The following KIF27 variants were observed in gnomAD, a reference collection of about 807,000 sequenced individuals.
The protein encoded by KIF27 is kinesin-like protein KIF27.
Under a neutral mutation model 141.8 loss-of-function variants are expected in KIF27, and 84 were observed. The observed-to-expected ratio is 0.59, with a 90% CI of 0.50 to 0.71. The LOEUF (loss-of-function observed/expected upper bound fraction) is 0.71, where lower values mean the gene tolerates loss of function less well. Ranked by LOEUF, KIF27 falls within the 30% of genes least tolerant of loss-of-function variation. The pLI, the probability that KIF27 is intolerant of heterozygous loss-of-function variation, is 0.00. For missense variants in KIF27, 1,306 were observed against 1,628.4 expected (o/e 0.80, Z 3.41); for synonymous variants, 471 against 569.5 (o/e 0.83, Z 2.46).
At chr9:83,864,292 C>T (rs1193362624) in intron 13 of KIF27, among the ~76,000 whole-genome samples, 3 of 152,198 alleles carry the variant, frequency 2.0e-5, no homozygotes, top group African/African-American at 7.2e-5. Context: ...ATCTTTCCTG[C>T]TTTCTCTTGT....
At chr9:83,904,764 G>A (rs935670169) in intron 3 of KIF27, among the ~76,000 whole-genome samples, 14 of 143,394 alleles carry the variant, frequency 9.8e-5, no homozygotes, top group South Asian at 2.3e-4. Flanking sequence ...AAAGGCATTC[G>A]TTTTTTTTTT....
chr9:83,840,040 A>G (rs537082394), intron 17 of KIF27, among the ~76,000 whole-genome samples: 14 of 152,332 alleles, frequency 9.2e-5, no homozygotes, highest in Admixed American at 3.9e-4. Flanking sequence ...ACATTTTATG[A>G]AACTCAGAGT....
At chr9:83,880,951 T>A (rs1025806410) in intron 10 of KIF27, among the ~76,000 whole-genome samples, 41 of 152,362 alleles carry the variant, frequency 2.7e-4, no homozygotes, top group African/African-American at 9.6e-4. Context: ...TAGCTGCATA[T>A]GTATTCTATA....
At chr9:83,878,592 T>C (rs1373770318) in intron 11 of KIF27, among the ~76,000 whole-genome samples, 2 of 152,150 alleles carry the variant, frequency 1.3e-5, no homozygotes, top group Non-Finnish European at 2.9e-5. Context: ...GAAGTTCTTG[T>C]ACATGCTGCA....
intron 13 of KIF27, among the ~76,000 whole-genome samples, chr9:83,866,953 C>T (rs1018379753): frequency 2.0e-5 from 3 of 148,988 alleles, no homozygotes; most frequent in Non-Finnish European, 4.5e-5. Context: ...TATTCACCCC[C>T]CCCCCAAAAA....
intron 6 of KIF27, 98 bp downstream of exon 6, chr9:83,891,196 CA>C (rs1588193951): frequency 3.3e-5 from 31 of 934,998 alleles, no homozygotes; most frequent in South Asian, 9.0e-5. Context: ...TAAAATCAAA[CA>C]AAAAAAATCT....
chr9:83,854,226 T>G (rs1948934041), intron 14 of KIF27, among the ~76,000 whole-genome samples: 1 of 152,232 alleles, frequency 6.6e-6, no homozygotes, highest in South Asian at 2.1e-4. Flanking sequence ...ATATATCTCC[T>G]CCATAACCCC....
Position 83,908,561 on chromosome 9 carries a change from A to G in KIF27, c.390T>C (p.Asn130=). Residue 130 remains asparagine, a synonymous_variant, in exon 3 of 18, where the codon AAT becomes AAC. Coordinates refer to ENST00000297814, the MANE Select transcript of KIF27 (RefSeq NM_017576.4). ...ACACTTCTATATAAGATACTTTTAC[A>G]TTAAAGTCAATGCTAGGATGTTCAG... ...SISEHPSIDF[N]VKVSYIEVYK... is the part of the protein sequence containing the mutation. 1.2e-6 allele frequency: 2 copies of G among 1,610,374 alleles called. No individual in the cohort carries two copies. Among genetic ancestry groups the G allele is most frequent in the Non-Finnish European group, 1.7e-6 (2 of 1,176,966 alleles).
intron 1 of KIF27, among the ~76,000 whole-genome samples, chr9:83,919,816 G>GAAAAC (rs1323488686): frequency 6.6e-6 from 1 of 151,978 alleles, no homozygotes; most frequent in Non-Finnish European, 1.5e-5. Flanking sequence ...GATCCCTCCT[G>GAAAAC]AAAACAAAAC....
At chr9:83,871,683 A>G (rs1318018273) in intron 11 of KIF27, among the ~76,000 whole-genome samples, 1 of 151,066 alleles carries the variant, frequency 6.6e-6, no homozygotes, top group African/African-American at 2.4e-5. Context: ...ATTAGTTTCC[A>G]TCCACATCTT....
At chr9:83,884,309 T>G (rs1301644145) in intron 9 of KIF27, among the ~76,000 whole-genome samples, 1 of 152,170 alleles carries the variant, frequency 6.6e-6, no homozygotes, top group Non-Finnish European at 1.5e-5. Flanking sequence ...AGTTGAGCTT[T>G]GCTGGCATCA....
At chr9:83,862,528 GTC>G (rs1564325580) in intron 13 of KIF27, among the ~76,000 whole-genome samples, 1 of 151,962 alleles carries the variant, frequency 6.6e-6, no homozygotes, top group East Asian at 1.9e-4. Flanking sequence ...TGTTCCACTG[GTC>G]TATATCTCTG....
rs756608641 is a variant in KIF27, at chr9:83,915,532, A to C, written c.60T>G (p.Ala20=). The C allele has an allele frequency of 1.8e-5, 29 of 1,613,608 alleles. No individual in the cohort carries two copies. The South Asian group carries it at 3.2e-4, about 18-fold the overall frequency. ...VRIRPLLCKE[A]LHNHQVCVRV... ...TCACACAAACTTGATGATTATGAAG[A>C]GCTTCTTTGCAAAGCAGAGGTCTAA... is the stretch of plus-strand genomic sequence containing the variant. The change falls in exon 2 of 18, where the codon GCT becomes GCG. Residue 20 remains alanine (A), a synonymous_variant. Coordinates refer to ENST00000297814, the MANE Select transcript of KIF27 (RefSeq NM_017576.4).
chr9:83,848,054 T>TC (rs1491138894), intron 16 of KIF27: 2 of 24,364 alleles, frequency 8.2e-5, no homozygotes, highest in African/African-American at 2.5e-4. Flanking sequence ...TACATATATC[T>TC]ATATATCATA....
At chr9:83,877,218 G>C (rs1951273133) in intron 11 of KIF27, among the ~76,000 whole-genome samples, 1 of 152,042 alleles carries the variant, frequency 6.6e-6, no homozygotes, top group Non-Finnish European at 1.5e-5. Context: ...AAGAGTACCT[G>C]AAATCCATTC....
chr9:83,875,450 G>C (rs750233177), intron 11 of KIF27, among the ~76,000 whole-genome samples: 1 of 152,150 alleles, frequency 6.6e-6, no homozygotes, highest in Non-Finnish European at 1.5e-5. Flanking sequence ...AGACAACCTA[G>C]GGAAGAGGTT....
chr9:83,886,925 A>C, intron 9 of KIF27, 116 bp downstream of exon 9: 1 of 1,152,596 alleles, frequency 8.7e-7, no homozygotes, highest in Non-Finnish European at 1.1e-6. Context: ...TTGTTACACC[A>C]ATCCAAGCTA....
At position 83,880,392 on chromosome 9, in the gene KIF27, A is replaced by G. The variant is rs568433898; in HGVS notation, c.2548T>C (p.Tyr850His). ...ELEQSVDHMK[Y>H]QKIQLQRKLR... is the part of the protein sequence containing the mutation. ...TTTCTTTGTAGCTGTATCTTTTGAT[A>G]TTTCATGTGATCTACACTCTGCTCT... Residue 850 changes from tyrosine to histidine, a missense_variant, in exon 11 of 18, where the codon TAT becomes CAT. Transcript: ENST00000297814. 1 of 1,598,158 alleles carries G rather than the reference A, an allele frequency of 6.3e-7. No homozygotes were observed. Among genetic ancestry groups the G allele is most frequent in the Non-Finnish European group, 8.5e-7 (1 of 1,171,988 alleles).
At chr9:83,898,679 T>G (rs1272568270) in intron 5 of KIF27, 2 of 152,202 alleles carry the variant, frequency 1.3e-5, no homozygotes, top group African/African-American at 4.8e-5. Flanking sequence ...GGGCCAGGCA[T>G]GGTGGCTCAT....
Sources: allele counts gnomAD v4.1 joint callset (sites outside exome capture counted in the v4.1 genomes callset), GRCh38; gene constraint gnomAD v4.1.1; transcripts MANE v1.5; gene names NCBI Gene and HGNC (gene_info 2026-07-23, HGNC 2026-07-21).